Variants in HIBCH observed in about 807,000 individuals in gnomAD.
HIBCH encodes 3-hydroxyisobutyryl-CoA hydrolase, also known as 3-hydroxyisobutyryl-CoA hydrolase, mitochondrial.
Under a neutral mutation model 58.2 loss-of-function variants are expected in HIBCH, and 50 were observed. The ratio of observed to expected loss-of-function variants is 0.86; its 90% confidence interval spans 0.68 to 1.09. The LOEUF (loss-of-function observed/expected upper bound fraction) is 1.09, where lower values mean the gene tolerates loss of function less well. Among genes scored for constraint, HIBCH ranks in the 50% least tolerant of loss-of-function variants. The pLI is 0.00. For synonymous variants in HIBCH, 151 were observed against 146.9 expected, an observed-to-expected ratio of 1.03 and a Z score of -0.20; for missense variants, 450 against 449.7, an observed-to-expected ratio of 1.00 and a Z score of -0.01.
chr2:190,269,646 T>C (rs955252985), intron 6 of HIBCH, among the ~76,000 whole-genome samples: 33 of 152,196 alleles, frequency 2.2e-4, no homozygotes, highest in Non-Finnish European at 2.1e-4. Context: ...AGTTCAACCA[T>C]TGTGGAAGAC....
At position 190,290,450 on chromosome 2, in the gene HIBCH, C is replaced by T; in HGVS notation, c.340G>A (p.Ala114Thr). 6.2e-7 allele frequency: 1 copy of T among 1,612,020 alleles called. No individual in the cohort carries two copies. Among genetic ancestry groups the T allele is most frequent in the Non-Finnish European group, 8.5e-7 (1 of 1,178,834 alleles). ...SEAEKAKQKI[A>T]PVFFREEYML... ...TATTCTTCTCTGAAGAAAACTGGAGCTATCTTCTGTTTTGCCTTTTCAGCT... is the reference window on the plus strand; with the variant it reads ...TATTCTTCTCTGAAGAAAACTGGAGTTATCTTCTGTTTTGCCTTTTCAGCT... Residue 114 changes from alanine (A) to threonine (T), a missense_variant, in exon 5 of 14, where the codon GCT becomes ACT. Physicochemically the swap from Ala to Thr is moderately conservative, Grantham distance 58. Transcript: ENST00000359678.
chr2:190,223,063 T>C (rs569389197), intron 11 of HIBCH, among the ~76,000 whole-genome samples: 40 of 151,924 alleles, frequency 2.6e-4, no homozygotes, highest in Non-Finnish European at 4.7e-4. Context: ...TAAGTGGGAG[T>C]TGAACAATAA....
At position 190,212,976 on chromosome 2, in the gene HIBCH, G is replaced by A. The variant is rs569593420; in HGVS notation, c.991C>T (p.Arg331Trp). Residue 331 changes from arginine (R) to tryptophan (W), a missense_variant, in exon 12 of 14, where the codon CGG becomes TGG. Coordinates refer to ENST00000359678, the MANE Select transcript of HIBCH (RefSeq NM_014362.4). ...CTTACCATACAAGCTTGACTTAGCCGATACTCCATAGTTAGTACTTCTTGC... is the reference window on the plus strand; with the variant it reads ...CTTACCATACAAGCTTGACTTAGCCAATACTCCATAGTTAGTACTTCTTGC... ...TLQEVLTMEYRLSQACMRGHD... is the reference protein window; with the variant it reads ...TLQEVLTMEYWLSQACMRGHD... 1.2e-5 allele frequency: 20 copies of A among 1,611,264 alleles called. No homozygotes were observed. The highest frequency in any genetic ancestry group is 3.3e-5 in the Admixed American group (2 of 60,000).
At chr2:190,308,031 T>TTC (rs1020870693) in intron 2 of HIBCH, among the ~76,000 whole-genome samples, 7 of 152,172 alleles carry the variant, frequency 4.6e-5, no homozygotes, top group Non-Finnish European at 8.8e-5. Flanking sequence ...CTCTTTCTCT[T>TTC]TCTCTCTCTC....
chr2:190,274,425 T>C (rs79598899), intron 6 of HIBCH, among the ~76,000 whole-genome samples: 8,901 of 152,318 alleles, frequency 0.058, 353 homozygotes, highest in Middle Eastern at 0.095. Flanking sequence ...TGTGGGTAGT[T>C]TGTACTGCAA....
At position 190,252,169 on chromosome 2, in the gene HIBCH, G is replaced by A. The variant is rs1381624793; in HGVS notation, c.656C>T (p.Ser219Phe). 1 of 1,613,750 alleles carries A rather than the reference G, an allele frequency of 6.2e-7. No homozygotes were observed. The highest frequency in any genetic ancestry group is 8.5e-7 in the Non-Finnish European group (1 of 1,179,742). Residue 219 changes from serine to phenylalanine, a missense_variant, in exon 8 of 14, where the codon TCT becomes TTT. By Grantham distance (155) the Ser-to-Phe change is radical. Transcript: ENST00000359678. Reference sequence around the variant, plus strand: ...AAACATCTGAAAAAGTACCTTTTCAGAATCTACAAAGTGTGTAGCAATTCC... The same window carrying A: ...AAACATCTGAAAAAGTACCTTTTCAAAATCTACAAAGTGTGTAGCAATTCC... The part of the protein sequence containing the change: ...RAGIATHFVD[S>F]EKLAMLEEDL...
At chr2:190,205,613 G>A (rs565246825) in intron 13 of HIBCH, among the ~76,000 whole-genome samples, 4 of 152,248 alleles carry the variant, frequency 2.6e-5, no homozygotes, top group Non-Finnish European at 5.9e-5. Context: ...AGGGCAGAGG[G>A]ACCAGATGTG....
chr2:190,212,662 C>A (rs1690539938), intron 12 of HIBCH, among the ~76,000 whole-genome samples: 1 of 152,164 alleles, frequency 6.6e-6, no homozygotes, highest in African/African-American at 2.4e-5. Context: ...TGCCCAAGGT[C>A]ACAGAGACCA....
chr2:190,228,047 C>T (rs4853688), intron 11 of HIBCH, among the ~76,000 whole-genome samples: 45,711 of 151,974 alleles, frequency 0.3, 7,753 homozygotes, highest in East Asian at 0.45. Context: ...CATCCCATTA[C>T]CGAGTATGTA....
chr2:190,266,078 T>C (rs1687226749), intron 6 of HIBCH, among the ~76,000 whole-genome samples: 1 of 152,204 alleles, frequency 6.6e-6, no homozygotes, highest in African/African-American at 2.4e-5. Flanking sequence ...CCCTATTATC[T>C]TTCCATTACA....
intron 6 of HIBCH, among the ~76,000 whole-genome samples, chr2:190,280,282 T>C (rs979121945): frequency 9.9e-5 from 15 of 151,992 alleles, no homozygotes; most frequent in African/African-American, 3.6e-4. Context: ...GTTGGAGAGG[T>C]GGGCCCTCAA....
At chr2:190,235,615 T>C (rs536749615) in intron 11 of HIBCH, among the ~76,000 whole-genome samples, 2 of 152,306 alleles carry the variant, frequency 1.3e-5, no homozygotes, top group African/African-American at 2.4e-5. Flanking sequence ...ACCATTACAA[T>C]CTGCCCCCAG....
intron 11 of HIBCH, among the ~76,000 whole-genome samples, chr2:190,239,647 GTTTT>G (rs60949644): frequency 1.3e-4 from 16 of 127,512 alleles, no homozygotes; most frequent in Admixed American, 2.4e-4. Flanking sequence ...GTGGTTTGTA[GTTTT>G]TTTTTTTTTT....
intron 11 of HIBCH, among the ~76,000 whole-genome samples, chr2:190,240,473 T>C (rs1410830524): frequency 1.3e-5 from 2 of 152,194 alleles, no homozygotes; most frequent in East Asian, 1.9e-4. Context: ...TTGAAGTGTT[T>C]TTTTTCTGTC....
chr2:190,279,233 C>G lies in HIBCH; in HGVS notation c.438+8353G>C, dbSNP rs1286166236. ...CATGAATGGATCAAACTACTCTACC[C>G]TCATGACCCCATCACCTCTTGAAGG... On this transcript the variant is annotated intron_variant, in intron 6 of 13. Transcript: ENST00000359678. This position sits in a 1 kb window ranked among gnomAD's most constrained non-coding sequence, Gnocchi z 4.2. Among the ~76,000 whole-genome samples the G allele has an allele frequency of 6.6e-6, 1 of 152,146 alleles. No homozygotes were observed. Among genetic ancestry groups the G allele is most frequent in the Non-Finnish European group, 1.5e-5 (1 of 68,024 alleles).
intron 2 of HIBCH, among the ~76,000 whole-genome samples, chr2:190,305,038 T>C (rs888798718): frequency 6.6e-6 from 1 of 152,202 alleles, no homozygotes; most frequent in Non-Finnish European, 1.5e-5. Flanking sequence ...CTAAAACTTT[T>C]TCAATGTAAT....
intron 6 of HIBCH, among the ~76,000 whole-genome samples, chr2:190,270,452 C>T (rs927666780): frequency 6.6e-6 from 1 of 151,872 alleles, no homozygotes; most frequent in African/African-American, 2.4e-5. Flanking sequence ...GTAAAGAAGA[C>T]AAAAAACTCA....
At chr2:190,296,143 G>A (rs375759621) in intron 3 of HIBCH, among the ~76,000 whole-genome samples, 3 of 152,106 alleles carry the variant, frequency 2.0e-5, no homozygotes, top group Non-Finnish European at 4.4e-5. Context: ...CTGTCTGGCC[G>A]GGTGCGGTGG....
intron 6 of HIBCH, among the ~76,000 whole-genome samples, chr2:190,273,226 CTATTAAAAATACAAAAATT>C (rs1335304466): frequency 6.6e-6 from 1 of 151,964 alleles, no homozygotes; most frequent in Non-Finnish European, 1.5e-5. Context: ...AACCTCAACT[CTATTAAAAATACAAAAATT>C]AGCCAGGTGT....
Sources: gnomAD v4.1 joint callset for allele counts (sites outside exome capture counted in the v4.1 genomes callset) on GRCh38, gnomAD v4.1.1 for gene constraint, Gnocchi (gnomAD v3.1) non-coding constraint, MANE v1.5 for transcripts, NCBI Gene and HGNC (gene_info 2026-07-23, HGNC 2026-07-21) for gene names.